DPP8: variants seen among roughly 807,000 people sequenced by gnomAD.
DPP8 encodes dipeptidyl peptidase 8.
In DPP8, 31 loss-of-function variants were observed where a neutral mutation model predicts 107.5. That is an observed-to-expected ratio of 0.29 (90% CI 0.22 to 0.39). DPP8 has a LOEUF of 0.39. Ranked by LOEUF, DPP8 falls within the 10% of genes least tolerant of loss-of-function variation. The pLI is 1.00. For synonymous variants in DPP8, 381 were observed against 356.6 expected, an observed-to-expected ratio of 1.07 and a Z score of -0.77; for missense variants, 842 against 1,076.1, an observed-to-expected ratio of 0.78 and a Z score of 3.04.
chr15:65,494,144 A>G (rs2068325869), intron 5 of DPP8, among the ~76,000 whole-genome samples: 2 of 33,570 alleles, frequency 6.0e-5, no homozygotes, highest in African/African-American at 1.1e-4. Flanking sequence ...AACCGGTTCT[A>G]TATCCTTTTT....
chr15:65,446,104 T>G lies in DPP8; in HGVS notation c.*780A>C, dbSNP rs1031171111. On this transcript the variant is annotated 3_prime_UTR_variant, in exon 20 of 20. Transcript: ENST00000300141. ...AAAAAAAAAACTTGCCTGCAAATAT[T>G]TAAGCTCTAATCATTTGATTAAAAA... 5 of 152,138 alleles carry G rather than the reference T, an allele frequency of 3.3e-5. No individual in the cohort carries two copies. The highest frequency in any genetic ancestry group is 6.5e-5 in the Admixed American group (1 of 15,270). 9.4% of individuals were successfully genotyped at this position (152,138 alleles called of 1,614,324 possible). A position where few individuals can be genotyped will look rare whatever the true frequency, so the allele number is the denominator to read the frequency against.
chr15:65,495,561 C>A (rs561286559), intron 5 of DPP8, among the ~76,000 whole-genome samples: 1 of 151,770 alleles, frequency 6.6e-6, no homozygotes, highest in Admixed American at 6.6e-5. Context: ...CTGAGATAGC[C>A]CACTGCACTC....
At chr15:65,515,127 C>T (rs2071285800) in intron 1 of DPP8, among the ~76,000 whole-genome samples, 1 of 152,208 alleles carries the variant, frequency 6.6e-6, no homozygotes, top group South Asian at 2.1e-4. Context: ...CACAGGAATG[C>T]ATCACCATGC....
chr15:65,506,727 GT>G (rs2070076654), intron 3 of DPP8, among the ~76,000 whole-genome samples: 1 of 148,462 alleles, frequency 6.7e-6, no homozygotes, highest in Non-Finnish European at 1.5e-5. Flanking sequence ...ACATATATAT[GT>G]TTAAAAACTA....
In DPP8 at chr15:65,480,252, G is replaced by C; in HGVS notation, c.1266C>G (p.Ile422Met). The change falls in exon 10 of 20, where the codon ATC becomes ATG. Residue 422 changes from isoleucine to methionine, a missense_variant. By Grantham distance (10) the Ile-to-Met change is conservative. Coordinates refer to ENST00000300141, the MANE Select transcript of DPP8 (RefSeq NM_130434.5). ...SVPDSVTPLIIYEETTDIWIN... is the reference protein window; with the variant it reads ...SVPDSVTPLIMYEETTDIWIN... ...TCCAGATGTCTGTTGTTTCTTCATA[G>C]ATAATTAGTGGCGTCACAGAATCAG... 1 of 1,613,428 alleles carries C rather than the reference G, an allele frequency of 6.2e-7. No individual in the cohort carries two copies. The highest frequency in any genetic ancestry group is 8.5e-7 in the Non-Finnish European group (1 of 1,179,824).
intron 15 of DPP8, among the ~76,000 whole-genome samples, chr15:65,457,705 T>C (rs2064548026): frequency 6.6e-6 from 1 of 152,164 alleles, no homozygotes; most frequent in African/African-American, 2.4e-5. Context: ...GTTTGCTAAA[T>C]GAATGAATGA....
At chr15:65,449,077 G>A (rs761462020) in intron 19 of DPP8, among the ~76,000 whole-genome samples, 1 of 144,316 alleles carries the variant, frequency 6.9e-6, no homozygotes, top group African/African-American at 2.5e-5. Context: ...GGGCATAGTG[G>A]TATGAGCCTG....
chr15:65,490,078 T>A, intron 6 of DPP8, 111 bp downstream of exon 6: 1 of 653,094 alleles, frequency 1.5e-6, no homozygotes. Context: ...TTGGAATCTA[T>A]TATCCGCTTT....
At position 65,507,369 on chromosome 15, in the gene DPP8, C is replaced by T. The variant is rs116159383; in HGVS notation, c.260-14G>A. 442 of 1,492,258 alleles carry T rather than the reference C, an allele frequency of 3.0e-4. No individual in the cohort carries two copies. The African/African-American group carries it at 5.4e-3, about 18-fold the overall frequency. 92.4% of individuals were successfully genotyped at this position (1,492,258 alleles called of 1,614,324 possible). A position where few individuals can be genotyped will look rare whatever the true frequency, so the allele number is the denominator to read the frequency against. On this transcript the variant is annotated splice_polypyrimidine_tract_variant and intron_variant, in intron 2 of 19. Transcript: ENST00000300141. ...CACCAGACATGGCTATAGGAGAAAG[C>T]AATCATTTATTATTATTTTTTCGAA...
chr15:65,450,929 G>A, intron 19 of DPP8, 70 bp downstream of exon 19: 1 of 991,894 alleles, frequency 1.0e-6, no homozygotes, highest in Non-Finnish European at 1.6e-6. Flanking sequence ...TTACCCCACA[G>A]CTAATAGATT....
chr15:65,449,473 G>A (rs1276168081), intron 19 of DPP8, among the ~76,000 whole-genome samples: 4 of 151,464 alleles, frequency 2.6e-5, no homozygotes, highest in East Asian at 3.9e-4. Context: ...TCAGTGGCAC[G>A]ATCTCGGCTC....
At chr15:65,466,526 G>C in intron 14 of DPP8, 152 bp downstream of exon 14, 2 of 674,362 alleles carry the variant, frequency 3.0e-6, no homozygotes, top group South Asian at 3.7e-5. Context: ...CAGAATAGGA[G>C]AAGAGGGATC....
intron 5 of DPP8, among the ~76,000 whole-genome samples, chr15:65,494,917 T>C (rs2068429725): frequency 6.6e-6 from 1 of 152,184 alleles, no homozygotes; most frequent in Admixed American, 6.6e-5. Flanking sequence ...TCTCTACCCA[T>C]GCTTCTCAAA....
At chr15:65,516,619 C>G (rs1029783613) in intron 1 of DPP8, 1 of 152,194 alleles carries the variant, frequency 6.6e-6, no homozygotes, top group Non-Finnish European at 1.5e-5. Flanking sequence ...CCTCATAGCA[C>G]TAAGCCCCTC....
rs1165053952 is a variant in DPP8, at chr15:65,517,592, CGGCGGCGGCGCCGGTGACAACCCA to C, written c.-142_-119del. ...CCGGTCCTGGTTGCAGTGGCTTCCT[CGGCGGCGGCGCCGGTGACAACCCA>C]GGCGGCGAACGCGGCACTAAGAAGC... On this transcript the variant is annotated 5_prime_UTR_variant, in exon 1 of 20. Coordinates refer to ENST00000300141, the MANE Select transcript of DPP8 (RefSeq NM_130434.5). The C allele has an allele frequency of 6.6e-6, 1 of 152,506 alleles. No homozygotes were observed. The highest frequency in any genetic ancestry group is 2.4e-5 in the African/African-American group (1 of 41,482). 9.4% of individuals were successfully genotyped at this position (152,506 alleles called of 1,614,324 possible).
At chr15:65,493,782 T>C (rs1425424439) in intron 5 of DPP8, among the ~76,000 whole-genome samples, 1 of 152,172 alleles carries the variant, frequency 6.6e-6, no homozygotes, top group Non-Finnish European at 1.5e-5. Flanking sequence ...GCTAGGATTT[T>C]ATTACTTTTA....
intron 19 of DPP8, among the ~76,000 whole-genome samples, chr15:65,448,887 TA>T (rs1164303444): frequency 1.6e-5 from 1 of 62,680 alleles, no homozygotes; most frequent in African/African-American, 6.0e-5. Flanking sequence ...TATATATATA[TA>T]TATATATATA....
At chr15:65,486,939 C>T (rs1372971764) in intron 7 of DPP8, among the ~76,000 whole-genome samples, 1 of 151,950 alleles carries the variant, frequency 6.6e-6, no homozygotes, top group African/African-American at 2.4e-5. Context: ...AGAACTTATC[C>T]ATGTAACCGA....
intron 3 of DPP8, among the ~76,000 whole-genome samples, chr15:65,501,443 T>C (rs1008032885): frequency 7.2e-5 from 11 of 152,222 alleles, no homozygotes; most frequent in African/African-American, 2.7e-4. Context: ...TCAAGTGGTT[T>C]GAATCCAAGC....
Sources: gnomAD v4.1 joint callset for allele counts (sites outside exome capture counted in the v4.1 genomes callset) on GRCh38, gnomAD v4.1.1 for gene constraint, MANE v1.5 for transcripts, NCBI Gene and HGNC (gene_info 2026-07-23, HGNC 2026-07-21) for gene names.